SNAP47: variants seen among roughly 807,000 people sequenced by gnomAD.
The protein encoded by SNAP47 is synaptosomal-associated protein 47.
In SNAP47, 20 loss-of-function variants were observed where a neutral mutation model predicts 31.4. The ratio of observed to expected loss-of-function variants is 0.64; its 90% confidence interval spans 0.45 to 0.93. The LOEUF is 0.93. SNAP47 is among the 40% of genes least tolerant of loss of function. The pLI is 0.00. For synonymous variants in SNAP47, 194 were observed against 213.4 expected, an observed-to-expected ratio of 0.91 and a Z score of 0.79; for missense variants, 492 against 528.5, an observed-to-expected ratio of 0.93 and a Z score of 0.68.
At chr1:227,756,803 T>C (rs935890304) in intron 2 of SNAP47, among the ~76,000 whole-genome samples, 1 of 152,252 alleles carries the variant, frequency 6.6e-6, no homozygotes, top group Non-Finnish European at 1.5e-5. Flanking sequence ...CAAGTTACCG[T>C]GCACAGCACC....
upstream of SNAP47, chr1:227,734,594 C>A: frequency 6.3e-7 from 1 of 1,581,862 alleles, no homozygotes; most frequent in African/African-American, 1.3e-5. Flanking sequence ...AGAAAGGCCT[C>A]TGGGTTCACG....
At chr1:227,750,884 G>A (rs933973397) in intron 2 of SNAP47, among the ~76,000 whole-genome samples, 12 of 152,228 alleles carry the variant, frequency 7.9e-5, no homozygotes, top group Non-Finnish European at 1.6e-4. Context: ...CAGTGCCAGC[G>A]TTGGGTGCAC....
chr1:227,744,934 C>T (rs991104328), intron 1 of SNAP47, among the ~76,000 whole-genome samples: 5 of 152,196 alleles, frequency 3.3e-5, no homozygotes, highest in Non-Finnish European at 5.9e-5. Flanking sequence ...GGGGCTCGCT[C>T]ACTTGCCTGA....
intron 2 of SNAP47, among the ~76,000 whole-genome samples, chr1:227,755,416 T>G (rs1402217288): frequency 1.3e-5 from 2 of 152,142 alleles, no homozygotes; most frequent in African/African-American, 4.8e-5. Context: ...AGATGGAGTC[T>G]CGCTCTGTCA....
upstream of SNAP47, chr1:227,733,075 C>G: frequency 6.3e-7 from 1 of 1,598,614 alleles, no homozygotes; most frequent in Admixed American, 1.7e-5. Context: ...GCAGGTGCCC[C>G]CTGACCAACC....
Position 227,772,349 on chromosome 1 carries a change from G to A in SNAP47, c.1113+5266G>A, listed in dbSNP as rs539235884. ...ACCCACGTTTCTGCCCCAGCCCCCCGCCCACCACTCTGCCTTCCCTCTCTG... is the reference window on the plus strand; with the variant it reads ...ACCCACGTTTCTGCCCCAGCCCCCCACCCACCACTCTGCCTTCCCTCTCTG... On this transcript the variant is annotated intron_variant, in intron 4 of 4. Coordinates refer to ENST00000617596, the MANE Select transcript of SNAP47 (RefSeq NM_053052.4). Among the ~76,000 whole-genome samples, 147 of 120,710 alleles carry A rather than the reference G, an allele frequency of 1.2e-3. 1 individual carries two copies. Among genetic ancestry groups the A allele is most frequent in the African/African-American group, 3.6e-3 (116 of 31,894 alleles). The allele number at this position is 120,710 out of a possible 152,430, so 79.2% of individuals were successfully genotyped here. A position where few individuals can be genotyped will look rare whatever the true frequency, so the allele number is the denominator to read the frequency against.
chr1:227,766,745 TAC>T (rs1324318727), intron 3 of SNAP47, among the ~76,000 whole-genome samples: 8 of 152,258 alleles, frequency 5.3e-5, no homozygotes, highest in African/African-American at 1.9e-4. Flanking sequence ...CTCTGAGAGG[TAC>T]AGAGTGGCCA....
rs1404639611 is a variant in SNAP47 at position 227,763,042 on chromosome 1, A to G, written c.988+3557A>G. Among the ~76,000 whole-genome samples, 3 of 151,880 alleles carry G rather than the reference A, an allele frequency of 2.0e-5. No homozygotes were observed. The highest frequency in any genetic ancestry group is 2.9e-5 in the Non-Finnish European group (2 of 67,968). Reference sequence around the variant, plus strand: ...TGCAATCATAGCTCACTGTAACTTCAATCTCCTGGGCCCAAGACATCCTCC... The same window carrying G: ...TGCAATCATAGCTCACTGTAACTTCGATCTCCTGGGCCCAAGACATCCTCC... On this transcript the variant is annotated intron_variant, in intron 3 of 4. Coordinates refer to ENST00000617596, the MANE Select transcript of SNAP47 (RefSeq NM_053052.4). The surrounding 1 kb of genome is among the most constrained non-coding windows in gnomAD (Gnocchi z 4.2).
chr1:227,764,687 C>T (rs1395270496), intron 3 of SNAP47, among the ~76,000 whole-genome samples: 5 of 152,106 alleles, frequency 3.3e-5, no homozygotes, highest in African/African-American at 1.2e-4. Context: ...GGGCGAATCA[C>T]GAGGTCAGGA....
upstream of SNAP47, chr1:227,733,702 G>C: frequency 1.9e-6 from 3 of 1,599,112 alleles, no homozygotes; most frequent in Non-Finnish European, 2.5e-6. Context: ...AAGAGCGCCT[G>C]GTTCATGCCT....
chr1:227,778,226 T>G (rs1664270704), intron 4 of SNAP47, among the ~76,000 whole-genome samples: 1 of 152,214 alleles, frequency 6.6e-6, no homozygotes, highest in Non-Finnish European at 1.5e-5. Flanking sequence ...TGTTTCCTGG[T>G]TTTCTACATG....
intron 2 of SNAP47, among the ~76,000 whole-genome samples, chr1:227,750,913 G>A (rs1662305329): frequency 6.6e-6 from 1 of 152,060 alleles, no homozygotes; most frequent in African/African-American, 2.4e-5. Flanking sequence ...TGTGTAGAGG[G>A]AGATTGGGAG....
At position 227,747,933 on chromosome 1, in the gene SNAP47, G is replaced by C; in HGVS notation, c.197G>C (p.Ser66Thr). 3 of 1,614,174 alleles carry C rather than the reference G, an allele frequency of 1.9e-6. No homozygotes were observed. Among genetic ancestry groups the C allele is most frequent in the South Asian group, 1.1e-5 (1 of 91,080 alleles). The change falls in exon 2 of 5, where the codon AGC becomes ACC. Residue 66 changes from serine (S) to threonine (T), a missense_variant. Coordinates refer to ENST00000617596, the MANE Select transcript of SNAP47 (RefSeq NM_053052.4). ...AAGGAGGCTTCACATTTTATCTTCA[G>C]CTCCATCACCATCCTGGAGAAGGGC... is the stretch of plus-strand genomic sequence containing the variant. ...IKKEASHFIF[S>T]SITILEKGHA...
At chr1:227,779,485 G>A (rs915956122) in intron 4 of SNAP47, among the ~76,000 whole-genome samples, 1 of 152,274 alleles carries the variant, frequency 6.6e-6, no homozygotes, top group East Asian at 1.9e-4. Context: ...AGATCACCAC[G>A]CCCTAGACCT....
intron 4 of SNAP47, chr1:227,776,370 A>T: frequency 1.0e-6 from 1 of 987,566 alleles, no homozygotes; most frequent in Non-Finnish European, 1.2e-6. Context: ...TTAATCAGGT[A>T]GTTTCTGTGG....
intron 1 of SNAP47, chr1:227,735,716 G>T (rs1571973743): frequency 2.0e-6 from 2 of 983,988 alleles, no homozygotes; most frequent in East Asian, 1.1e-4. Context: ...GGGATGATGG[G>T]ACCCGGAGAG....
At chr1:227,757,081 G>A (rs1445982486) in intron 2 of SNAP47, among the ~76,000 whole-genome samples, 1 of 152,200 alleles carries the variant, frequency 6.6e-6, no homozygotes, top group African/African-American at 2.4e-5. Context: ...CTTTCTCTGT[G>A]GCTCCAGGGG....
intron 1 of SNAP47, among the ~76,000 whole-genome samples, chr1:227,745,338 T>C (rs1362623085): frequency 1.3e-5 from 2 of 152,190 alleles, no homozygotes; most frequent in Non-Finnish European, 2.9e-5. Context: ...TGCAGCCATC[T>C]TCCTGACCTC....
chr1:227,735,713 T>C, intron 1 of SNAP47: 1 of 984,120 alleles, frequency 1.0e-6, no homozygotes, highest in Non-Finnish European at 1.2e-6. Flanking sequence ...CCAGGGATGA[T>C]GGGACCCGGA....
Sources: gnomAD v4.1 joint callset for allele counts (sites outside exome capture counted in the v4.1 genomes callset) on GRCh38, gnomAD v4.1.1 for gene constraint, Gnocchi (gnomAD v3.1) non-coding constraint, MANE v1.5 for transcripts, NCBI Gene and HGNC (gene_info 2026-07-23, HGNC 2026-07-21) for gene names.